The following RELN variants were observed in gnomAD, a reference collection of about 807,000 sequenced individuals.
RELN encodes the protein reelin.
Under a neutral mutation model 427.6 loss-of-function variants are expected in RELN, and 108 were observed. That is an observed-to-expected ratio of 0.25 (90% CI 0.22 to 0.30). The LOEUF (loss-of-function observed/expected upper bound fraction) is 0.30. Ranked by LOEUF, RELN falls within the 10% of genes least tolerant of loss-of-function variation. RELN has a pLI of 1.00. For synonymous variants in RELN, 1,524 were observed against 1,513.4 expected, an observed-to-expected ratio of 1.01 and a Z score of -0.16; for missense variants, 3,715 against 4,302.8, an observed-to-expected ratio of 0.86 and a Z score of 3.82.
intron 21 of RELN, among the ~76,000 whole-genome samples, chr7:103,611,285 G>T (rs1018046570): frequency 4.6e-5 from 7 of 152,080 alleles, no homozygotes; most frequent in Admixed American, 2.0e-4. Context: ...GACAGATGAA[G>T]ACACATTTAT....
chr7:103,650,209 A>G (rs1832884575), intron 16 of RELN, 65 bp downstream of exon 16: 1 of 972,594 alleles, frequency 1.0e-6, no homozygotes, highest in Admixed American at 1.7e-5. Flanking sequence ...GTCTGTGCTG[A>G]CGAACAAAAG....
Position 103,682,252 on chromosome 7 carries a change from G to A in RELN, c.1153C>T (p.Gln385Ter), listed in dbSNP as rs1833669763. The change falls in exon 11 of 65, where the codon CAG becomes TAG. Residue 385 changes from glutamine (Q) to a stop codon, truncating the protein, a stop_gained. Coordinates refer to ENST00000428762, the MANE Select transcript of RELN (RefSeq NM_005045.4). LOFTEE classifies it high-confidence loss of function. ...AAATAAATGGAGTTCCCATCTGACT[G>A]ACAGCTATGCTGTAGGTGAAAAGAG... ...FPGATVKHSCQSDGNSIYFHG... is the reference protein window; with the variant it reads ...FPGATVKHSC The A allele has an allele frequency of 6.2e-7, 1 of 1,614,032 alleles. No homozygotes were observed. Among genetic ancestry groups the A allele is most frequent in the Non-Finnish European group, 8.5e-7 (1 of 1,179,924 alleles).
rs576238234 is a variant in RELN at position 103,897,787 on chromosome 7, A to G, written c.337+19288T>C. Among the ~76,000 whole-genome samples, 3 of 152,154 alleles carry G rather than the reference A, an allele frequency of 2.0e-5. No individual in the cohort carries two copies. In the South Asian group the frequency reaches 6.2e-4, roughly 32 times the overall value. On this transcript the variant is annotated intron_variant, in intron 2 of 64. Coordinates refer to ENST00000428762, the MANE Select transcript of RELN (RefSeq NM_005045.4). Reference sequence around the variant, plus strand: ...AACTGGAAATGTGGCTTACGTAACAAAATCCTAGTGAAACTCCAATCCGTG... The same window carrying G: ...AACTGGAAATGTGGCTTACGTAACAGAATCCTAGTGAAACTCCAATCCGTG...
chr7:103,693,546 A>T (rs1291113191), intron 10 of RELN, among the ~76,000 whole-genome samples: 1 of 82,504 alleles, frequency 1.2e-5, no homozygotes, highest in East Asian at 4.0e-4. Flanking sequence ...CCAGCAAAAT[A>T]AAAAAAAAAT....
chr7:103,794,114 T>C (rs760652995), intron 3 of RELN, among the ~76,000 whole-genome samples: 10 of 152,030 alleles, frequency 6.6e-5, no homozygotes, highest in Non-Finnish European at 1.3e-4. Context: ...TTTTTTTAAT[T>C]TTAAGGGTAT....
chr7:103,828,558 T>C (rs1020985603), intron 3 of RELN, among the ~76,000 whole-genome samples: 2 of 150,822 alleles, frequency 1.3e-5, no homozygotes, highest in African/African-American at 4.9e-5. Context: ...TTATGTTCCA[T>C]TTTAATCCTA....
intron 1 of RELN, among the ~76,000 whole-genome samples, chr7:103,930,909 T>TG (rs935911825): frequency 1.2e-3 from 183 of 151,426 alleles, no homozygotes; most frequent in African/African-American, 4.2e-3. Flanking sequence ...TGTGTGTGTG[T>TG]GTCTCCTTCT....
chr7:103,809,720 T>C lies in RELN; in HGVS notation c.473+23817A>G, dbSNP rs190593489. On this transcript the variant is annotated intron_variant, in intron 3 of 64. Transcript: ENST00000428762. The stretch of plus-strand genomic sequence containing the variant: ...CATTGTAGACCATTAACATTGTAGA[T>C]CATTAACATGACAATCTAATTGTCA... 1.6e-3 allele frequency among the ~76,000 whole-genome samples: 244 copies of C among 152,300 alleles called. 1 individual carries two copies. Among genetic ancestry groups the C allele is most frequent in the African/African-American group, 5.7e-3 (235 of 41,568 alleles).
intron 8 of RELN, among the ~76,000 whole-genome samples, chr7:103,720,999 A>G (rs968212185): frequency 1.8e-4 from 28 of 152,044 alleles, no homozygotes; most frequent in Non-Finnish European, 8.8e-5. Flanking sequence ...GTTTCCCCCA[A>G]TTTTTTACTC....
At chr7:103,842,105 T>A (rs576862183) in intron 2 of RELN, among the ~76,000 whole-genome samples, 1 of 152,334 alleles carries the variant, frequency 6.6e-6, no homozygotes, top group East Asian at 1.9e-4. Context: ...TGGTACGATA[T>A]TTTTTCAGGA....
intron 1 of RELN, among the ~76,000 whole-genome samples, chr7:103,930,530 A>G (rs1795839057): frequency 1.3e-5 from 2 of 151,962 alleles, no homozygotes; most frequent in African/African-American, 4.8e-5. Flanking sequence ...CAGTGGCACA[A>G]TCAAGGATCA....
intron 64 of RELN, among the ~76,000 whole-genome samples, chr7:103,474,689 A>T (rs572612934): frequency 6.6e-6 from 1 of 152,246 alleles, no homozygotes; most frequent in South Asian, 2.1e-4. Flanking sequence ...TTATTCACAA[A>T]ATCTTGGGAC....
At chr7:103,476,352 C>G (rs569634112) in intron 64 of RELN, among the ~76,000 whole-genome samples, 1 of 151,918 alleles carries the variant, frequency 6.6e-6, no homozygotes, top group African/African-American at 2.4e-5. Context: ...TGGTGGTACG[C>G]GCCTGTAGTC....
chr7:103,574,406 GGA>G, intron 29 of RELN, 107 bp from the exon 30 acceptor site: 2 of 914,568 alleles, frequency 2.2e-6, no homozygotes, highest in Non-Finnish European at 3.5e-6. Flanking sequence ...TTAACATTAG[GGA>G]GAGAGGCCAC....
chr7:103,629,024 T>C (rs748105835), intron 20 of RELN, among the ~76,000 whole-genome samples: 4 of 152,214 alleles, frequency 2.6e-5, no homozygotes, highest in Non-Finnish European at 4.4e-5. Context: ...CACTCTCGCC[T>C]GGGGGAACTG....
intron 28 of RELN, among the ~76,000 whole-genome samples, chr7:103,579,662 C>T (rs987887145): frequency 6.6e-6 from 1 of 151,546 alleles, no homozygotes; most frequent in Admixed American, 6.6e-5. Context: ...AAAGCATTCC[C>T]TTTTGTTGTT....
At chr7:103,902,299 G>C (rs1359192691) in intron 2 of RELN, among the ~76,000 whole-genome samples, 1 of 151,954 alleles carries the variant, frequency 6.6e-6, no homozygotes, top group Non-Finnish European at 1.5e-5. Flanking sequence ...TCATATAAAA[G>C]TCAGGTTAAA....
intron 42 of RELN, among the ~76,000 whole-genome samples, chr7:103,544,220 C>CTTTTTTTTTTTTTT (rs71154356): frequency 1.4e-5 from 1 of 71,198 alleles, no homozygotes; most frequent in Non-Finnish European, 2.6e-5. Flanking sequence ...GAAAGAAAAT[C>CTTTTTTTTTTTTTT]TTTTTTTTTT....
chr7:103,703,742 T>C (rs1308622811), intron 8 of RELN, among the ~76,000 whole-genome samples: 1 of 152,218 alleles, frequency 6.6e-6, no homozygotes. Context: ...TCCTTCACTC[T>C]GAGGCAGCAA....
Sources: allele counts gnomAD v4.1 joint callset (sites outside exome capture counted in the v4.1 genomes callset), GRCh38; gene constraint gnomAD v4.1.1; transcripts MANE v1.5; gene names NCBI Gene and HGNC (gene_info 2026-07-23, HGNC 2026-07-21).